The following LRP2 variants were observed in gnomAD, a reference collection of about 807,000 sequenced individuals.
LRP2 encodes LDL receptor related protein 2, also known as low-density lipoprotein receptor-related protein 2.
In LRP2, 172 loss-of-function variants were observed where a neutral mutation model predicts 531.0. The observed-to-expected ratio is 0.32, with a 90% confidence interval of 0.29 to 0.37. The LOEUF is 0.37. LRP2 is among the 10% of genes least tolerant of loss of function. The pLI is 1.00. For synonymous variants in LRP2, 1,992 were observed against 2,027.6 expected (o/e 0.98, Z 0.47); for missense variants, 5,167 against 5,868.3 (o/e 0.88, Z 3.90).
At chr2:169,208,454 T>A (rs1688474376) in intron 38 of LRP2, among the ~76,000 whole-genome samples, 1 of 152,152 alleles carries the variant, frequency 6.6e-6, no homozygotes, top group Non-Finnish European at 1.5e-5. Flanking sequence ...TATTTCCTTT[T>A]TTTAAATTTT....
chr2:169,226,926 C>G (rs1202318739), intron 31 of LRP2, among the ~76,000 whole-genome samples: 2 of 151,618 alleles, frequency 1.3e-5, no homozygotes, highest in Non-Finnish European at 2.9e-5. Flanking sequence ...CTTCTACACA[C>G]AGACAAACCT....
intron 16 of LRP2, among the ~76,000 whole-genome samples, chr2:169,261,282 G>A (rs1045622572): frequency 6.6e-6 from 1 of 151,976 alleles, no homozygotes; most frequent in African/African-American, 2.4e-5. Context: ...ATCATTGAAG[G>A]AGGGAGTTCT....
At chr2:169,182,344 C>T (rs1213148982) in intron 50 of LRP2, 25 bp from the exon 51 acceptor site, 1 of 1,612,112 alleles carries the variant, frequency 6.2e-7, no homozygotes, top group Non-Finnish European at 8.5e-7. Flanking sequence ...CAGGAGTTAA[C>T]CAATACAGTC....
At chr2:169,280,187 A>T (rs968440858) in intron 11 of LRP2, among the ~76,000 whole-genome samples, 163 bp downstream of exon 11, 1 of 152,240 alleles carries the variant, frequency 6.6e-6, no homozygotes, top group Non-Finnish European at 1.5e-5. Context: ...AATAGGTCAC[A>T]TGTAATAGTA....
At chr2:169,150,792 A>C in intron 68 of LRP2, 106 bp downstream of exon 68, 1 of 1,409,626 alleles carries the variant, frequency 7.1e-7, no homozygotes, top group South Asian at 1.2e-5. Context: ...AAAAACTTGA[A>C]GGACAATTTC....
intron 50 of LRP2, among the ~76,000 whole-genome samples, chr2:169,183,215 T>G (rs1343987084): frequency 1.3e-5 from 2 of 152,264 alleles, no homozygotes; most frequent in African/African-American, 4.8e-5. Flanking sequence ...TTGCAACAAG[T>G]ACGCGCTTAA....
intron 62 of LRP2, among the ~76,000 whole-genome samples, chr2:169,163,344 A>G (rs1456726675): frequency 6.6e-6 from 1 of 152,208 alleles, no homozygotes; most frequent in Non-Finnish European, 1.5e-5. Flanking sequence ...CCTTACAAGC[A>G]GAAATAAAAT....
At chr2:169,188,297 G>A in intron 48 of LRP2, 32 bp from the exon 49 acceptor site, 4 of 1,611,620 alleles carry the variant, frequency 2.5e-6, no homozygotes, top group Non-Finnish European at 3.4e-6. Flanking sequence ...CACTTTCAGA[G>A]AGGTTGGCAA....
intron 23 of LRP2, 92 bp downstream of exon 23, chr2:169,243,311 G>A (rs1056117265): frequency 3.8e-5 from 56 of 1,461,324 alleles, no homozygotes; most frequent in Admixed American, 1.5e-4. Flanking sequence ...AACAGGCCCC[G>A]GTGTGTGATG....
At chr2:169,144,317 T>C (rs896382137) in intron 70 of LRP2, among the ~76,000 whole-genome samples, 49 of 152,316 alleles carry the variant, frequency 3.2e-4, no homozygotes, top group Non-Finnish European at 6.3e-4. Context: ...TTCTGAGGCA[T>C]GCTCAACTTT....
chr2:169,237,359 A>T, intron 27 of LRP2, 72 bp from the exon 28 acceptor site: 1 of 1,211,822 alleles, frequency 8.3e-7, no homozygotes, highest in Non-Finnish European at 1.2e-6. Context: ...ATTATATAAA[A>T]ATCTAGATTA....
intron 13 of LRP2, among the ~76,000 whole-genome samples, chr2:169,275,727 G>A (rs761945930): frequency 2.0e-5 from 3 of 152,042 alleles, no homozygotes; most frequent in South Asian, 4.1e-4. Context: ...CCCAGCAAAC[G>A]CCCACATCTG....
chr2:169,329,063 A>C (rs1685197040), intron 1 of LRP2, among the ~76,000 whole-genome samples: 1 of 152,234 alleles, frequency 6.6e-6, no homozygotes, highest in South Asian at 2.1e-4. Context: ...CTGACAACAG[A>C]CAATTTGGTT....
intron 4 of LRP2, among the ~76,000 whole-genome samples, chr2:169,297,849 G>T (rs115705225): frequency 6.6e-6 from 1 of 152,074 alleles, no homozygotes; most frequent in Non-Finnish European, 1.5e-5. Flanking sequence ...ATCTTGACAG[G>T]AAGACTGCAG....
chr2:169,205,362 T>G (rs535919970), intron 41 of LRP2, 117 bp downstream of exon 41: 1 of 1,118,856 alleles, frequency 8.9e-7, no homozygotes, highest in African/African-American at 1.5e-5. Context: ...TGATTCTATA[T>G]TCTGGCAATG....
intron 1 of LRP2, among the ~76,000 whole-genome samples, chr2:169,325,420 AT>A (rs1685022762): frequency 1.3e-5 from 2 of 152,170 alleles, no homozygotes; most frequent in Admixed American, 1.3e-4. Flanking sequence ...CTTATCCATA[AT>A]TTTTGCTTCA....
intron 41 of LRP2, among the ~76,000 whole-genome samples, 155 bp from the exon 42 acceptor site, chr2:169,204,426 G>A (rs1688308860): frequency 6.6e-6 from 1 of 152,168 alleles, no homozygotes; most frequent in Non-Finnish European, 1.5e-5. Context: ...TTCTTCTGGT[G>A]ATGGGAGGTC....
At chr2:169,139,040 C>T (rs570506081) in intron 74 of LRP2, among the ~76,000 whole-genome samples, 7 of 152,340 alleles carry the variant, frequency 4.6e-5, no homozygotes, top group Non-Finnish European at 7.3e-5. Flanking sequence ...GACTACAAAA[C>T]ACAGCTTGTC....
At chr2:169,314,023 A>C (rs1006904704) in intron 3 of LRP2, among the ~76,000 whole-genome samples, 1 of 152,202 alleles carries the variant, frequency 6.6e-6, no homozygotes. Flanking sequence ...ATAGATATTT[A>C]GGTTCAGCAA....
Sources: allele counts gnomAD v4.1 joint callset (sites outside exome capture counted in the v4.1 genomes callset), GRCh38; gene constraint gnomAD v4.1.1; transcripts MANE v1.5; gene names NCBI Gene and HGNC (gene_info 2026-07-23, HGNC 2026-07-21).